Variants in SCAMP2 observed in about 807,000 individuals in gnomAD.
The protein encoded by SCAMP2 is secretory carrier membrane protein 2.
In SCAMP2, 25 loss-of-function variants were observed where a neutral mutation model predicts 44.1. The ratio of observed to expected loss-of-function variants is 0.57; its 90% CI spans 0.41 to 0.79. The LOEUF (loss-of-function observed/expected upper bound fraction) is 0.79. Ranked by LOEUF, SCAMP2 falls within the 30% of genes least tolerant of loss-of-function variation. The probability of loss-of-function intolerance (pLI) is 0.00; values close to 1 mark genes in which losing one functional copy is unlikely to be tolerated. For missense variants in SCAMP2, 355 were observed against 411.0 expected (o/e 0.86, Z 1.18); for synonymous variants, 156 against 166.0 (o/e 0.94, Z 0.46).
chr15:74,857,892 G>C (rs7165811), intron 1 of SCAMP2, among the ~76,000 whole-genome samples: 2 of 152,094 alleles, frequency 1.3e-5, no homozygotes, highest in Admixed American at 6.5e-5. Context: ...GCAGCTCAGC[G>C]GTTTGAGAAG....
At chr15:74,858,248 G>A (rs955261377) in intron 1 of SCAMP2, among the ~76,000 whole-genome samples, 2 of 152,154 alleles carry the variant, frequency 1.3e-5, no homozygotes, top group African/African-American at 4.8e-5. Flanking sequence ...CCCAGAACTA[G>A]CCACTGTGTC....
intron 1 of SCAMP2, among the ~76,000 whole-genome samples, chr15:74,859,383 G>A (rs1351128772): frequency 6.6e-6 from 1 of 152,090 alleles, no homozygotes; most frequent in African/African-American, 2.4e-5. Flanking sequence ...GGGTGCTGGG[G>A]ACCACGGCAA....
chr15:74,858,874 G>A (rs550996695), intron 1 of SCAMP2, among the ~76,000 whole-genome samples: 15 of 145,520 alleles, frequency 1.0e-4, no homozygotes, highest in African/African-American at 3.1e-4. Flanking sequence ...GTGCAGTGGC[G>A]CGATCTCAGC....
chr15:74,852,260 CAG>C (rs1301063817), intron 3 of SCAMP2, 74 bp from the exon 4 acceptor site: 1 of 1,107,672 alleles, frequency 9.0e-7, no homozygotes, highest in African/African-American at 1.6e-5. Context: ...GGTAGGCAGG[CAG>C]AGAGGCCTTG....
chr15:74,845,636 G>A, intron 7 of SCAMP2, 43 bp from the exon 8 acceptor site: 1 of 1,610,490 alleles, frequency 6.2e-7, no homozygotes, highest in Non-Finnish European at 8.5e-7. Context: ...AGTGGGAGTG[G>A]GCTCCAAAAG....
At chr15:74,851,221 C>A in intron 5 of SCAMP2, 132 bp downstream of exon 5, 1 of 1,092,878 alleles carries the variant, frequency 9.2e-7, no homozygotes, top group East Asian at 2.5e-5. Flanking sequence ...CTCCCCAACC[C>A]AGCCCAGGCA....
chr15:74,859,315 C>A (rs971640706), intron 1 of SCAMP2, among the ~76,000 whole-genome samples: 1 of 152,234 alleles, frequency 6.6e-6, no homozygotes, highest in Non-Finnish European at 1.5e-5. Context: ...TAAGACACAG[C>A]TCTCACCCTT....
chr15:74,872,946 C>A, intron 1 of SCAMP2: 1 of 456,602 alleles, frequency 2.2e-6, no homozygotes, highest in Non-Finnish European at 3.9e-6. Flanking sequence ...CCTTCCCTAG[C>A]ACAGCCCAGC....
chr15:74,858,806 CTTT>C (rs917391053), intron 1 of SCAMP2, among the ~76,000 whole-genome samples: 1 of 91,256 alleles, frequency 1.1e-5, no homozygotes, highest in Non-Finnish European at 2.1e-5. Flanking sequence ...AGAGCTGGTT[CTTT>C]TTTTTTTTTT....
At chr15:74,864,905 G>A (rs1340688159) in intron 1 of SCAMP2, among the ~76,000 whole-genome samples, 54 of 141,104 alleles carry the variant, frequency 3.8e-4, no homozygotes, top group Middle Eastern at 4.3e-3. Context: ...TGGCCAACAT[G>A]GTGAAACCCC....
intron 1 of SCAMP2, among the ~76,000 whole-genome samples, chr15:74,862,559 G>A (rs908326205): frequency 6.6e-6 from 1 of 152,102 alleles, no homozygotes; most frequent in Non-Finnish European, 1.5e-5. Context: ...CTGGGGGACA[G>A]AGTGAGACTC....
intron 1 of SCAMP2, among the ~76,000 whole-genome samples, chr15:74,872,591 A>C (rs1020214066): frequency 3.3e-5 from 5 of 152,116 alleles, no homozygotes; most frequent in Non-Finnish European, 7.4e-5. Context: ...ACTCCAAACT[A>C]GACCCATGGC....
chr15:74,854,011 T>TC lies in SCAMP2; in HGVS notation c.225+9dup, dbSNP rs1459086492. On this transcript the variant is annotated intron_variant, in intron 3 of 8. Coordinates refer to ENST00000268099, the MANE Select transcript of SCAMP2 (RefSeq NM_005697.5). ...GGAGAGAAAAGGCCAGAGTTCTTTGTCAGCACTACCTGGGGGGTCGGCTGG... is the reference window on the plus strand; with the variant it reads ...GGAGAGAAAAGGCCAGAGTTCTTTGTCCAGCACTACCTGGGGGGTCGGCTGG... 13 of 1,610,356 alleles carry TC rather than the reference T, an allele frequency of 8.1e-6. No homozygotes were observed. In the African/African-American group the frequency reaches 1.7e-4, roughly 22 times the overall value.
intron 7 of SCAMP2, among the ~76,000 whole-genome samples, chr15:74,846,463 GA>G (rs59907008): frequency 0.48 from 54,147 of 113,086 alleles, 12,966 homozygotes; most frequent in Non-Finnish European, 0.61. Context: ...AAAAAAAAAA[GA>G]AAAGAAAAAA....
intron 5 of SCAMP2, among the ~76,000 whole-genome samples, chr15:74,851,033 C>G (rs2064432019): frequency 6.6e-6 from 1 of 152,220 alleles, no homozygotes; most frequent in African/African-American, 2.4e-5. Context: ...CTTCCTCACC[C>G]CTCAGAGTTC....
At position 74,854,657 on chromosome 15, in the gene SCAMP2, G is replaced by A. The variant is rs777167914; in HGVS notation, c.58-8C>T. 6.2e-7 allele frequency: 1 copy of A among 1,605,796 alleles called. No homozygotes were observed. The highest frequency in any genetic ancestry group is 1.3e-5 in the African/African-American group (1 of 74,806). On this transcript the variant is annotated splice_polypyrimidine_tract_variant and splice_region_variant and intron_variant, in intron 1 of 8. Coordinates refer to ENST00000268099, the MANE Select transcript of SCAMP2 (RefSeq NM_005697.5). ...CTGGGTCACAGAGGGATCCTGAGAA[G>A]GTGAAAAAAAGCCCTTAGACACAGT...
rs2141167051 is a variant in SCAMP2, at chr15:74,844,194, G to A, written c.*889C>T. ...GCAGAGACAAAGGCAGCCGTCCCTC[G>A]GTTCGGGGAGGGGGGGGGGTAGTCA... On this transcript the variant is annotated 3_prime_UTR_variant, in exon 9 of 9. Coordinates refer to ENST00000268099, the MANE Select transcript of SCAMP2 (RefSeq NM_005697.5). 7.0e-6 allele frequency: 1 copy of A among 142,040 alleles called. No individual in the cohort carries two copies. The highest frequency in any genetic ancestry group is 2.6e-4 in the South Asian group (1 of 3,806). 8.8% of individuals were successfully genotyped at this position (142,040 alleles called of 1,614,324 possible).
rs1374223733 is a variant in SCAMP2 at position 74,843,921 on chromosome 15, A to G, written c.*1162T>C. On this transcript the variant is annotated 3_prime_UTR_variant, in exon 9 of 9. Coordinates refer to ENST00000268099, the MANE Select transcript of SCAMP2 (RefSeq NM_005697.5). ...GGCTAGTTTTGTGGGAAGGCACCCC[A>G]GTCCACACACCCACTCGGCAGCCTC... 1 of 147,130 alleles carries G rather than the reference A, an allele frequency of 6.8e-6. No individual in the cohort carries two copies. 9.1% of individuals were successfully genotyped at this position (147,130 alleles called of 1,614,324 possible).
At chr15:74,859,596 G>A (rs2064489615) in intron 1 of SCAMP2, among the ~76,000 whole-genome samples, 1 of 151,086 alleles carries the variant, frequency 6.6e-6, no homozygotes, top group South Asian at 2.1e-4. Context: ...GCTCTCCCAG[G>A]AACGGCCATG....
Sources: gnomAD v4.1 joint callset for allele counts (sites outside exome capture counted in the v4.1 genomes callset) on GRCh38, gnomAD v4.1.1 for gene constraint, MANE v1.5 for transcripts, NCBI Gene and HGNC (gene_info 2026-07-23, HGNC 2026-07-21) for gene names.